The following CACNB2 variants were observed in gnomAD, a reference collection of about 807,000 sequenced individuals.
CACNB2 encodes the protein voltage-dependent L-type calcium channel subunit beta-2.
A neutral mutation model predicts 73.3 loss-of-function variants in CACNB2; 42 were observed. The ratio of observed to expected loss-of-function variants is 0.57; its 90% confidence interval spans 0.45 to 0.74. CACNB2 has a LOEUF of 0.74. Among genes scored for constraint, CACNB2 ranks in the 30% least tolerant of loss-of-function variants. CACNB2 has a pLI of 0.00. For missense variants in CACNB2, 940 were observed against 853.0 expected, an observed-to-expected ratio of 1.10 and a Z score of -1.27; for synonymous variants, 348 against 310.3, an observed-to-expected ratio of 1.12 and a Z score of -1.28.
chr10:18,457,822 G>C (rs186735452), intron 3 of CACNB2, among the ~76,000 whole-genome samples: 1 of 152,050 alleles, frequency 6.6e-6, no homozygotes, highest in Non-Finnish European at 1.5e-5. Flanking sequence ...CCCGGGAGGC[G>C]GAGGTTGTGG....
chr10:18,519,997 T>C (rs2051690248), intron 9 of CACNB2: 1 of 305,508 alleles, frequency 3.3e-6, no homozygotes, highest in Non-Finnish European at 6.3e-6. Context: ...TGCTCCTTTG[T>C]CTCCTTTGCT....
At chr10:18,484,704 G>A (rs536317471) in intron 3 of CACNB2, among the ~76,000 whole-genome samples, 1 of 152,244 alleles carries the variant, frequency 6.6e-6, no homozygotes, top group Admixed American at 6.5e-5. Flanking sequence ...CCTGTCTCTC[G>A]TGCCACTCTG....
chr10:18,243,408 G>A (rs551009522), intron 2 of CACNB2, among the ~76,000 whole-genome samples: 11 of 152,220 alleles, frequency 7.2e-5, no homozygotes, highest in South Asian at 2.1e-4. Flanking sequence ...TCATGCTCAC[G>A]ACTATGGAAA....
At chr10:18,529,815 C>T (rs971142318) in intron 10 of CACNB2, among the ~76,000 whole-genome samples, 6 of 152,162 alleles carry the variant, frequency 3.9e-5, no homozygotes, top group African/African-American at 1.4e-4. Flanking sequence ...ATGTCCTTAT[C>T]TATCACACTT....
At chr10:18,196,064 C>T (rs977946414) in intron 2 of CACNB2, among the ~76,000 whole-genome samples, 2 of 152,046 alleles carry the variant, frequency 1.3e-5, no homozygotes, top group Non-Finnish European at 2.9e-5. Flanking sequence ...TTTGCATGAG[C>T]TTTACACATA....
chr10:18,386,756 T>C (rs761939756), intron 2 of CACNB2, among the ~76,000 whole-genome samples: 1 of 152,172 alleles, frequency 6.6e-6, no homozygotes, highest in African/African-American at 2.4e-5. Flanking sequence ...CTTTTATGTT[T>C]TGGAGTGTTT....
rs373902228 is a variant in CACNB2, at chr10:18,488,250, C to T, written c.334-10105C>T. Among the ~76,000 whole-genome samples the T allele has an allele frequency of 4.6e-5, 7 of 150,978 alleles. No individual in the cohort carries two copies. The South Asian group carries it at 1.3e-3, about 27-fold the overall frequency. ...CAGCATTTTGGGAGGCCGAGGTGGGCGGATCACGAGGTCAGGAGATCGAGA... is the reference window on the plus strand; with the variant it reads ...CAGCATTTTGGGAGGCCGAGGTGGGTGGATCACGAGGTCAGGAGATCGAGA... On this transcript the variant is annotated intron_variant, in intron 3 of 13. Transcript: ENST00000324631.
intron 2 of CACNB2, among the ~76,000 whole-genome samples, chr10:18,343,892 G>A (rs1052959189): frequency 6.6e-6 from 1 of 152,066 alleles, no homozygotes. Flanking sequence ...TCTAGCTTCT[G>A]CCAATTATCA....
intron 2 of CACNB2, among the ~76,000 whole-genome samples, chr10:18,292,246 G>A (rs1350077209): frequency 6.6e-6 from 1 of 152,146 alleles, no homozygotes; most frequent in Non-Finnish European, 1.5e-5. Context: ...TAGCATAGCT[G>A]TTTCTTAATT....
At chr10:18,438,234 C>G (rs554888999) in intron 3 of CACNB2, among the ~76,000 whole-genome samples, 1 of 146,938 alleles carries the variant, frequency 6.8e-6, no homozygotes, top group Non-Finnish European at 1.5e-5. Context: ...TTTCACCGCA[C>G]TAGCCAGGAT....
chr10:18,204,898 T>C (rs2035026092), intron 2 of CACNB2, among the ~76,000 whole-genome samples: 1 of 152,060 alleles, frequency 6.6e-6, no homozygotes, highest in South Asian at 2.1e-4. Flanking sequence ...TCATTTCATT[T>C]TAATGCCACA....
chr10:18,317,528 C>T (rs2131930803), intron 2 of CACNB2, among the ~76,000 whole-genome samples: 1 of 152,238 alleles, frequency 6.6e-6, no homozygotes, highest in Admixed American at 6.5e-5. Context: ...GGTTCTTGGC[C>T]TCTAGCTGCA....
chr10:18,539,362 C>A lies in CACNB2; in HGVS notation c.1621C>A (p.His541Asn), dbSNP rs767695220. 7 of 1,614,122 alleles carry A rather than the reference C, an allele frequency of 4.3e-6. No homozygotes were observed. The highest frequency in any genetic ancestry group is 5.9e-6 in the Non-Finnish European group (7 of 1,180,026). Residue 541 changes from histidine to asparagine, a missense_variant, in exon 14 of 14, where the codon CAT becomes AAT. Transcript: ENST00000324631. The stretch of plus-strand genomic sequence containing the variant: ...TTCCTCCTCAGCCCCACACCACAAC[C>A]ATCGCAGTGGGACAAGTCGCGGCCT... ...RSSSSAPHHN[H>N]RSGTSRGLSR...
At chr10:18,230,928 A>T (rs957764454) in intron 2 of CACNB2, among the ~76,000 whole-genome samples, 1 of 152,154 alleles carries the variant, frequency 6.6e-6, no homozygotes, top group Non-Finnish European at 1.5e-5. Context: ...GACAAAAAGA[A>T]AAACCCAGAA....
At chr10:18,238,516 T>G (rs527437145) in intron 2 of CACNB2, 1 of 152,326 alleles carries the variant, frequency 6.6e-6, no homozygotes, top group Admixed American at 6.5e-5. Context: ...CCATCCAATG[T>G]GAACCTAAAA....
rs1180037753 is a variant in CACNB2, at chr10:18,541,973, T to C, written c.*2249T>C. On this transcript the variant is annotated 3_prime_UTR_variant, in exon 14 of 14. Transcript: ENST00000324631. The stretch of plus-strand genomic sequence containing the variant: ...GTTCTTACCAAATATTCTTAGCCTT[T>C]TATAAGTAAAACTGTTTTACATTTA... 1.3e-5 allele frequency: 2 copies of C among 152,198 alleles called. No homozygotes were observed. Among genetic ancestry groups the C allele is most frequent in the African/African-American group, 4.8e-5 (2 of 41,450 alleles). The allele number at this position is 152,198 out of a possible 1,614,324, so 9.4% of individuals were successfully genotyped here. A position where few individuals can be genotyped will look rare whatever the true frequency, so the allele number is the denominator to read the frequency against.
chr10:18,336,113 C>T (rs2040995161), intron 2 of CACNB2, among the ~76,000 whole-genome samples: 1 of 152,106 alleles, frequency 6.6e-6, no homozygotes, highest in African/African-American at 2.4e-5. Context: ...TATAATGTTT[C>T]CAAACTTTCA....
intron 2 of CACNB2, among the ~76,000 whole-genome samples, chr10:18,285,319 A>G (rs926145092): frequency 4.6e-5 from 7 of 152,158 alleles, no homozygotes; most frequent in Admixed American, 3.9e-4. Context: ...GGTTTCTTGG[A>G]ATGCTTGTTC....
At chr10:18,524,805 G>A (rs1186560041) in intron 9 of CACNB2, among the ~76,000 whole-genome samples, 1 of 150,816 alleles carries the variant, frequency 6.6e-6, no homozygotes, top group Non-Finnish European at 1.5e-5. Context: ...GAGGAGGACT[G>A]CTTGAGCTCA....
Sources: gnomAD v4.1 joint callset for allele counts (sites outside exome capture counted in the v4.1 genomes callset) on GRCh38, gnomAD v4.1.1 for gene constraint, MANE v1.5 for transcripts, NCBI Gene and HGNC (gene_info 2026-07-23, HGNC 2026-07-21) for gene names.